CNTN5: variants seen among roughly 807,000 people sequenced by gnomAD.
CNTN5 encodes contactin 5.
A neutral mutation model predicts 129.1 loss-of-function variants in CNTN5; 77 were observed. The ratio of observed to expected loss-of-function variants is 0.60; its 90% CI spans 0.50 to 0.72. CNTN5 has a LOEUF of 0.72. Among genes scored for constraint, CNTN5 ranks in the 30% least tolerant of loss-of-function variants. The pLI is 0.00. For synonymous variants in CNTN5, 509 were observed against 465.6 expected, an observed-to-expected ratio of 1.09 and a Z score of -1.20; for missense variants, 1,478 against 1,328.8, an observed-to-expected ratio of 1.11 and a Z score of -1.75.
At chr11:100,116,198 G>A (rs1193661849) in intron 13 of CNTN5, among the ~76,000 whole-genome samples, 1 of 152,028 alleles carries the variant, frequency 6.6e-6, no homozygotes, top group Non-Finnish European at 1.5e-5. Flanking sequence ...GCAGAGGAAA[G>A]AGTTCTTCTG....
chr11:99,846,797 G>A (rs977807743), intron 6 of CNTN5, among the ~76,000 whole-genome samples: 1 of 152,104 alleles, frequency 6.6e-6, no homozygotes. Flanking sequence ...ACAGTTTGAA[G>A]AGTACCGAGA....
intron 3 of CNTN5, among the ~76,000 whole-genome samples, chr11:99,708,318 G>A (rs928604013): frequency 6.6e-6 from 1 of 151,674 alleles, no homozygotes; most frequent in African/African-American, 2.4e-5. Flanking sequence ...ATATATTAGA[G>A]ATGCATTAAA....
At chr11:99,806,274 T>C (rs1264526756) in intron 3 of CNTN5, among the ~76,000 whole-genome samples, 1 of 152,186 alleles carries the variant, frequency 6.6e-6, no homozygotes, top group Non-Finnish European at 1.5e-5. Flanking sequence ...AGATATTCTT[T>C]ATTTTTTGGA....
chr11:100,087,265 G>T (rs1021451747), intron 13 of CNTN5, among the ~76,000 whole-genome samples: 2 of 151,536 alleles, frequency 1.3e-5, no homozygotes, highest in Non-Finnish European at 3.0e-5. Context: ...AATAAAAAAT[G>T]ATATTTCAAA....
chr11:100,292,302 G>A (rs1216416453), intron 18 of CNTN5, among the ~76,000 whole-genome samples: 1 of 151,944 alleles, frequency 6.6e-6, no homozygotes, highest in Non-Finnish European at 1.5e-5. Flanking sequence ...CTCTCATGGG[G>A]TGCATTGAGT....
chr11:99,558,252 T>C (rs775082287), intron 3 of CNTN5: 1 of 408,894 alleles, frequency 2.4e-6, no homozygotes, highest in South Asian at 1.8e-5. Flanking sequence ...GTTTCTCTTT[T>C]ATCTTCTCAA....
intron 1 of CNTN5, among the ~76,000 whole-genome samples, chr11:99,097,566 A>G (rs2135338794): frequency 6.6e-6 from 1 of 151,992 alleles, no homozygotes; most frequent in East Asian, 1.9e-4. Flanking sequence ...AGAGATAATA[A>G]ATTTCTTCAT....
intron 13 of CNTN5, among the ~76,000 whole-genome samples, chr11:100,131,077 A>G (rs1946361905): frequency 6.6e-6 from 1 of 152,052 alleles, no homozygotes; most frequent in African/African-American, 2.4e-5. Flanking sequence ...CTTTTATTAT[A>G]TCCTCGTGGC....
intron 13 of CNTN5, among the ~76,000 whole-genome samples, chr11:100,133,115 C>A (rs1045649849): frequency 6.6e-6 from 1 of 152,038 alleles, no homozygotes; most frequent in South Asian, 2.1e-4. Context: ...TCAAAAATGA[C>A]CACATAGATC....
At chr11:99,735,758 T>C (rs2135126616) in intron 3 of CNTN5, among the ~76,000 whole-genome samples, 1 of 152,288 alleles carries the variant, frequency 6.6e-6, no homozygotes, top group Middle Eastern at 3.4e-3. Flanking sequence ...ACTAACATAT[T>C]CATCACCTCA....
chr11:99,163,736 G>A lies in CNTN5; in HGVS notation c.-210+142466G>A, dbSNP rs555180088. ...AATCCATATAAGAATTACTAGACATGCTATACATTAAAACTGTGTACAGTT... is the reference window on the plus strand; with the variant it reads ...AATCCATATAAGAATTACTAGACATACTATACATTAAAACTGTGTACAGTT... On this transcript the variant is annotated intron_variant, in intron 1 of 24. Transcript: ENST00000524871. Among the ~76,000 whole-genome samples the A allele has an allele frequency of 1.3e-3, 196 of 152,252 alleles. 1 individual carries two copies. The highest frequency in any genetic ancestry group is 4.6e-3 in the African/African-American group (192 of 41,558).
intron 3 of CNTN5, among the ~76,000 whole-genome samples, chr11:99,674,739 C>T (rs1193370802): frequency 2.0e-5 from 3 of 152,160 alleles, no homozygotes; most frequent in Non-Finnish European, 4.4e-5. Flanking sequence ...TTTAGGACTG[C>T]AGCAATTCAG....
chr11:100,213,159 T>C (rs1237223703), intron 15 of CNTN5, among the ~76,000 whole-genome samples: 8 of 152,166 alleles, frequency 5.3e-5, no homozygotes, highest in African/African-American at 1.9e-4. Flanking sequence ...TTATTTTGTA[T>C]AACTAGTTCC....
intron 1 of CNTN5, among the ~76,000 whole-genome samples, chr11:99,315,971 A>G (rs1865322011): frequency 6.6e-6 from 1 of 151,930 alleles, no homozygotes; most frequent in South Asian, 2.1e-4. Flanking sequence ...TGTGTGCCTC[A>G]TGGGTATATG....
At chr11:99,135,090 C>T (rs1446701264) in intron 1 of CNTN5, among the ~76,000 whole-genome samples, 1 of 152,120 alleles carries the variant, frequency 6.6e-6, no homozygotes, top group Non-Finnish European at 1.5e-5. Context: ...GCTTAAAAAC[C>T]TCTTGTATGT....
intron 3 of CNTN5, among the ~76,000 whole-genome samples, chr11:99,755,613 A>G (rs1462103330): frequency 6.6e-6 from 1 of 151,936 alleles, no homozygotes; most frequent in Non-Finnish European, 1.5e-5. Flanking sequence ...TTTGGATGAC[A>G]GTTCCTTTGT....
chr11:100,252,645 T>C (rs1178203284), intron 16 of CNTN5, among the ~76,000 whole-genome samples: 1 of 152,134 alleles, frequency 6.6e-6, no homozygotes, highest in Non-Finnish European at 1.5e-5. Flanking sequence ...ACATCCAATT[T>C]TTCCAGAACC....
chr11:99,980,876 G>A (rs1258370043), intron 8 of CNTN5, among the ~76,000 whole-genome samples: 1 of 151,714 alleles, frequency 6.6e-6, no homozygotes, highest in African/African-American at 2.4e-5. Context: ...GCTTAAGATA[G>A]AATTTCATTT....
chr11:99,494,338 T>C (rs1591160345), intron 2 of CNTN5, among the ~76,000 whole-genome samples: 1 of 152,356 alleles, frequency 6.6e-6, no homozygotes, highest in East Asian at 1.9e-4. Context: ...TATATTAAGC[T>C]ACGAGACCTA....
Sources: gnomAD v4.1 joint callset for allele counts (sites outside exome capture counted in the v4.1 genomes callset) on GRCh38, gnomAD v4.1.1 for gene constraint, MANE v1.5 for transcripts, NCBI Gene and HGNC (gene_info 2026-07-23, HGNC 2026-07-21) for gene names.